Variants in CLCN4 observed in about 807,000 individuals in gnomAD.
The protein encoded by CLCN4 is H(+)/Cl(-) exchange transporter 4.
CLCN4 carries 1 observed loss-of-function variant against 41.7 expected under a neutral mutation model. The ratio of observed to expected loss-of-function variants is 0.02; its 90% confidence interval spans 0.01 to 0.11. CLCN4 has a LOEUF of 0.11. Ranked by LOEUF, CLCN4 falls within the 10% of genes least tolerant of loss-of-function variation. The pLI, the probability that CLCN4 is intolerant of heterozygous loss-of-function variation, is 1.00. For missense variants in CLCN4, 287 were observed against 661.0 expected, an observed-to-expected ratio of 0.43 and a Z score of 6.20; for synonymous variants, 277 against 285.8, an observed-to-expected ratio of 0.97 and a Z score of 0.31.
At chrX:10,186,346 G>A (rs2147168007) in intron 3 of CLCN4, among the ~76,000 whole-genome samples, 1 of 111,310 alleles carries the variant, frequency 9.0e-6, no homozygotes, top group South Asian at 3.8e-4. Flanking sequence ...GGAAGAGGTA[G>A]TCAAATCCCC....
intron 2 of CLCN4, among the ~76,000 whole-genome samples, chrX:10,175,990 G>GT (rs1468469270): frequency 1.1e-5 from 1 of 92,568 alleles, no homozygotes; most frequent in Non-Finnish European, 2.0e-5. Context: ...GTGTATGTGT[G>GT]TAATAGGAAC....
In CLCN4 at chrX:10,157,034, C is replaced by T; in HGVS notation, c.-341C>T. 3.4e-6 allele frequency: 1 copy of T among 298,039 alleles called. No individual in the cohort carries two copies. The highest frequency in any genetic ancestry group is 5.9e-6 in the Non-Finnish European group (1 of 170,421). The allele number at this position is 298,039 out of a possible 1,213,427, so 24.6% of individuals were successfully genotyped here. A position where few individuals can be genotyped will look rare whatever the true frequency, so the allele number is the denominator to read the frequency against. On this transcript the variant is annotated 5_prime_UTR_variant, in exon 1 of 13. Transcript: ENST00000380833. Reference sequence around the variant, plus strand: ...TTGTCAGTTTCTGCCTCCATTAGACCCTCAACCCAAAGGAGCAGGAGATTT... The same window carrying T: ...TTGTCAGTTTCTGCCTCCATTAGACTCTCAACCCAAAGGAGCAGGAGATTT...
chrX:10,208,510 G>A lies in CLCN4; in HGVS notation c.1309G>A (p.Gly437Ser), dbSNP rs375397634. 6.6e-6 allele frequency: 8 copies of A among 1,209,082 alleles called. No homozygotes were observed. The highest frequency in any genetic ancestry group is 3.5e-5 in the African/African-American group (2 of 56,956). The stretch of plus-strand genomic sequence containing the variant: ...CATTCCAGACCGGCCGGCTGGTGTC[G>A]GTGTTTACACGGCCATGTGGCAGCT... ...DDIPDRPAGV[G>S]VYTAMWQLAL... Residue 437 changes from glycine to serine, a missense_variant, in exon 9 of 13, where the codon GGT becomes AGT. By Grantham distance (56) the Gly-to-Ser change is moderately conservative. Transcript: ENST00000380833.
At chrX:10,163,701 C>A (rs1477068081) in intron 2 of CLCN4, among the ~76,000 whole-genome samples, 1 of 112,245 alleles carries the variant, frequency 8.9e-6, no homozygotes, top group South Asian at 3.7e-4. Flanking sequence ...CCACTGCTCC[C>A]GGCCCCTTAA....
rs1211370571 is a variant in CLCN4 at position 10,206,757 on chromosome X, T to C, written c.824T>C (p.Val275Ala). Residue 275 changes from valine to alanine, a missense_variant, in exon 8 of 13, where the codon GTG (valine) becomes GCG (alanine). Around this residue, in one of 6 missense-constraint regions of CLCN4, gnomAD observed 8 missense variants for 51.0 expected, o/e 0.16. Transcript: ENST00000380833. ...SVAFGAPIGG[V>A]LFSLEEVSYY... is the part of the protein sequence containing the mutation. The stretch of plus-strand genomic sequence containing the variant: ...GCCTTTGGTGCACCAATTGGAGGCG[T>C]GCTTTTCAGTCTAGAAGAGGTGAGA... 1 of 1,203,949 alleles carries C rather than the reference T, an allele frequency of 8.3e-7. No homozygotes were observed. Among genetic ancestry groups the C allele is most frequent in the Non-Finnish European group, 1.1e-6 (1 of 891,952 alleles).
At chrX:10,179,694 G>A (rs1923623686) in intron 2 of CLCN4, among the ~76,000 whole-genome samples, 1 of 111,414 alleles carries the variant, frequency 9.0e-6, no homozygotes, top group Admixed American at 9.5e-5. Flanking sequence ...GACATGCAGG[G>A]GGATAAGGAA....
chrX:10,206,632 G>T, intron 7 of CLCN4, 64 bp from the exon 8 acceptor site: 1 of 1,189,615 alleles, frequency 8.4e-7, no homozygotes, highest in Non-Finnish European at 1.1e-6. Context: ...TGTCTGACTT[G>T]CAGGTTTGCA....
intron 12 of CLCN4, among the ~76,000 whole-genome samples, chrX:10,229,992 C>G (rs994126362): frequency 8.9e-6 from 1 of 112,595 alleles, no homozygotes; most frequent in African/African-American, 3.2e-5. Flanking sequence ...AGCATTTACC[C>G]TTTGTGTTAC....
At chrX:10,217,463 T>A (rs1407892068) in intron 11 of CLCN4, among the ~76,000 whole-genome samples, 2 of 111,867 alleles carry the variant, frequency 1.8e-5, no homozygotes, top group African/African-American at 6.5e-5. Context: ...CCTCTCCTAT[T>A]GTGATAACCA....
chrX:10,161,494 G>T (rs922474274), intron 2 of CLCN4, among the ~76,000 whole-genome samples: 3 of 112,082 alleles, frequency 2.7e-5, no homozygotes, highest in Non-Finnish European at 3.8e-5. Flanking sequence ...CTTAAGAGAC[G>T]GAATAGCCAA....
intron 5 of CLCN4, among the ~76,000 whole-genome samples, chrX:10,195,732 T>C (rs1307468106): frequency 1.8e-5 from 2 of 112,614 alleles, no homozygotes; most frequent in Admixed American, 9.4e-5. Context: ...TTCATGTAAA[T>C]GAAATCATAC....
intron 9 of CLCN4, among the ~76,000 whole-genome samples, chrX:10,211,300 T>C (rs1446388818): frequency 2.9e-5 from 3 of 104,560 alleles, no homozygotes; most frequent in Non-Finnish European, 5.9e-5. Flanking sequence ...AAAAAAATTC[T>C]AAGAAGTTGT....
At chrX:10,216,456 A>G (rs893308252) in intron 11 of CLCN4, among the ~76,000 whole-genome samples, 2 of 111,191 alleles carry the variant, frequency 1.8e-5, no homozygotes, top group Non-Finnish European at 1.9e-5. Flanking sequence ...ACTCGCCTGT[A>G]CTTAGCAGGG....
intron 2 of CLCN4, among the ~76,000 whole-genome samples, chrX:10,171,685 A>G (rs1187636668): frequency 8.9e-6 from 1 of 112,211 alleles, no homozygotes. Context: ...GCTATGATTT[A>G]GTAAAGCAAG....
At position 10,197,806 on chromosome X, in the gene CLCN4, A is replaced by C. The variant is rs1407188219; in HGVS notation, c.433-133A>C. 4 of 768,250 alleles carry C rather than the reference A, an allele frequency of 5.2e-6. No homozygotes were observed. In the African/African-American group the frequency reaches 8.4e-5, roughly 16 times the overall value. 63.3% of individuals were successfully genotyped at this position (768,250 alleles called of 1,213,427 possible). On this transcript the variant is annotated intron_variant, in intron 5 of 12. Coordinates refer to ENST00000380833, the MANE Select transcript of CLCN4 (RefSeq NM_001830.4). ...TAAACCTACGCTGGCCTTTTGGTTT[A>C]TACAGGACTGGGACCAAACCTGCCC...
chrX:10,166,309 C>T (rs981759439), intron 2 of CLCN4, among the ~76,000 whole-genome samples: 2 of 112,348 alleles, frequency 1.8e-5, no homozygotes, highest in African/African-American at 6.5e-5. Context: ...TTCTGGCCTC[C>T]GGAACTGGGA....
intron 6 of CLCN4, among the ~76,000 whole-genome samples, chrX:10,203,947 A>G (rs1212792223): frequency 1.8e-5 from 2 of 112,098 alleles, no homozygotes; most frequent in Non-Finnish European, 3.8e-5. Context: ...TGGGAAAACC[A>G]GAAATTGACC....
chrX:10,209,028 C>A (rs1014622136), intron 9 of CLCN4, among the ~76,000 whole-genome samples: 18 of 111,591 alleles, frequency 1.6e-4, no homozygotes, highest in African/African-American at 5.5e-4. Context: ...TCTTAGGCAT[C>A]GTGCTAAGTC....
At chrX:10,225,163 G>T (rs1924959667) in intron 12 of CLCN4, among the ~76,000 whole-genome samples, 1 of 111,743 alleles carries the variant, frequency 8.9e-6, no homozygotes, top group Non-Finnish European at 1.9e-5. Context: ...TTGGGGAATC[G>T]CCACACTGTC....
Sources: gnomAD v4.1 joint callset for allele counts (sites outside exome capture counted in the v4.1 genomes callset) on GRCh38, gnomAD v4.1.1 for gene constraint, gnomAD v4.1.1 regional missense constraint, MANE v1.5 for transcripts, NCBI Gene and HGNC (gene_info 2026-07-23, HGNC 2026-07-21) for gene names.